Variants in INTS8 observed in about 807,000 individuals in gnomAD.
INTS8 encodes the protein integrator complex subunit 8.
In INTS8, 47 loss-of-function variants were observed where a neutral mutation model predicts 138.9. The ratio of observed to expected loss-of-function variants is 0.34; its 90% CI spans 0.27 to 0.43. The LOEUF (loss-of-function observed/expected upper bound fraction) is 0.43, where lower values mean the gene tolerates loss of function less well. Among genes scored for constraint, INTS8 ranks in the 20% least tolerant of loss-of-function variants. The probability of loss-of-function intolerance (pLI) is 1.00; values close to 1 mark genes in which losing one functional copy is unlikely to be tolerated. For missense variants in INTS8, 996 were observed against 1,173.0 expected, an observed-to-expected ratio of 0.85 and a Z score of 2.20; for synonymous variants, 392 against 400.9, an observed-to-expected ratio of 0.98 and a Z score of 0.27.
At chr8:94,875,951 G>A (rs1816550680) in intron 23 of INTS8, 123 bp from the exon 24 acceptor site, 1 of 706,814 alleles carries the variant, frequency 1.4e-6, no homozygotes, top group African/African-American at 1.8e-5. Context: ...AAATTGGATG[G>A]AATCCATAAC....
chr8:94,835,798 C>T (rs759740233), intron 6 of INTS8, among the ~76,000 whole-genome samples: 1 of 152,134 alleles, frequency 6.6e-6, no homozygotes. Context: ...TAGGGTTTCA[C>T]TATGTTGGTC....
intron 7 of INTS8, 129 bp downstream of exon 7, chr8:94,836,760 A>G: frequency 3.5e-6 from 2 of 577,940 alleles, no homozygotes; most frequent in African/African-American, 1.9e-5. Context: ...AGAAAGTACT[A>G]AAACTGGTTT....
At chr8:94,840,938 A>G (rs1586482969) in intron 8 of INTS8, among the ~76,000 whole-genome samples, 2 of 140,652 alleles carry the variant, frequency 1.4e-5, no homozygotes, top group African/African-American at 5.3e-5. Flanking sequence ...TTTGAGATGG[A>G]GTATTGCTCT....
At chr8:94,824,014 G>T (rs1444704105) in intron 1 of INTS8, among the ~76,000 whole-genome samples, 1 of 152,132 alleles carries the variant, frequency 6.6e-6, no homozygotes, top group Non-Finnish European at 1.5e-5. Context: ...TTTTTCTTCA[G>T]TGAGGGAATT....
intron 13 of INTS8, 142 bp from the exon 14 acceptor site, chr8:94,853,663 A>G (rs1815635159): frequency 5.6e-6 from 3 of 535,502 alleles, no homozygotes; most frequent in Middle Eastern, 5.0e-4. Flanking sequence ...GTGTTATATT[A>G]TGGCTGTCAT....
In INTS8 at chr8:94,880,564, G is replaced by A; in HGVS notation, c.*330G>A. 1 of 317,056 alleles carries A rather than the reference G, an allele frequency of 3.2e-6. No homozygotes were observed. The highest frequency in any genetic ancestry group is 5.6e-6 in the Non-Finnish European group (1 of 177,712). The allele number at this position is 317,056 out of a possible 1,614,324, so 19.6% of individuals were successfully genotyped here. A position where few individuals can be genotyped will look rare whatever the true frequency, so the allele number is the denominator to read the frequency against. ...TTTAGAAATAGCTAGCCTATGTACA[G>A]CAAGTTTTCATGTCTTTTTTTAATA... On this transcript the variant is annotated 3_prime_UTR_variant, in exon 27 of 27. Transcript: ENST00000523731.
chr8:94,862,637 G>A (rs957659975), intron 16 of INTS8, among the ~76,000 whole-genome samples: 5 of 152,204 alleles, frequency 3.3e-5, no homozygotes, highest in Admixed American at 2.0e-4. Context: ...AGGATGTGTG[G>A]TGACTTTGCG....
intron 6 of INTS8, 60 bp from the exon 7 acceptor site, chr8:94,836,464 C>A: frequency 7.7e-7 from 1 of 1,302,070 alleles, no homozygotes; most frequent in Non-Finnish European, 1.1e-6. Context: ...AGTTTTGGTT[C>A]TGTCACCTCT....
intron 14 of INTS8, among the ~76,000 whole-genome samples, chr8:94,856,308 CATAAGAGA>C (rs898419417): frequency 1.3e-5 from 2 of 152,078 alleles, no homozygotes; most frequent in Non-Finnish European, 2.9e-5. Context: ...TCTTTGGAAA[CATAAGAGA>C]TGCATAGGAA....
chr8:94,879,608 A>C (rs1458643553), intron 26 of INTS8, among the ~76,000 whole-genome samples: 2 of 121,076 alleles, frequency 1.7e-5, no homozygotes, highest in African/African-American at 6.3e-5. Flanking sequence ...AAAAAACAAA[A>C]AACAAACAAA....
At chr8:94,869,579 G>C (rs541849085) in intron 20 of INTS8, among the ~76,000 whole-genome samples, 1 of 151,966 alleles carries the variant, frequency 6.6e-6, no homozygotes, top group Non-Finnish European at 1.5e-5. Context: ...TGCAACCTCC[G>C]CCTCCCGGGT....
intron 4 of INTS8, 41 bp from the exon 5 acceptor site, chr8:94,828,934 G>A (rs747407505): frequency 2.9e-6 from 4 of 1,360,162 alleles, no homozygotes; most frequent in Non-Finnish European, 4.2e-6. Flanking sequence ...AGTCTTGAGA[G>A]TAACTTTTGA....
rs377662004 is a variant in INTS8 at position 94,829,158 on chromosome 8, G to A, written c.570+132G>A. ...GGAAACTGGATGTGGTGTGGGGGGC[G>A]GGGGGCGAGGATGATTTCAGGATGA... is the stretch of plus-strand genomic sequence containing the variant. On this transcript the variant is annotated intron_variant, in intron 5 of 26. Transcript: ENST00000523731. 3.3e-4 allele frequency: 223 copies of A among 671,916 alleles called. 2 individuals carry two copies. The highest frequency in any genetic ancestry group is 3.2e-3 in the South Asian group (194 of 60,346). 41.6% of individuals were successfully genotyped at this position (671,916 alleles called of 1,614,324 possible).
At position 94,841,193 on chromosome 8, in the gene INTS8, G is replaced by C. The variant is rs541368240; in HGVS notation, c.1018-298G>C. Among the ~76,000 whole-genome samples, 7 of 152,186 alleles carry C rather than the reference G, an allele frequency of 4.6e-5. No homozygotes were observed. The South Asian group carries it at 6.2e-4, about 14-fold the overall frequency. Reference sequence around the variant, plus strand: ...CCCAAAGTGCTCAGATTACAAGCGTGAGCCACCATGCCTGGCCTAAAATTT... The same window carrying C: ...CCCAAAGTGCTCAGATTACAAGCGTCAGCCACCATGCCTGGCCTAAAATTT... On this transcript the variant is annotated intron_variant, in intron 8 of 26. Transcript: ENST00000523731.
intron 10 of INTS8, among the ~76,000 whole-genome samples, chr8:94,848,791 C>T (rs1434383997): frequency 6.6e-6 from 1 of 152,000 alleles, no homozygotes; most frequent in Admixed American, 6.6e-5. Flanking sequence ...GTGTGTGTGT[C>T]AACGTAAAAA....
chr8:94,850,351 G>C (rs576764693), intron 12 of INTS8, among the ~76,000 whole-genome samples: 2 of 152,150 alleles, frequency 1.3e-5, no homozygotes, highest in Admixed American at 1.3e-4. Context: ...GGTGGCTCAC[G>C]CCTGTAATCC....
At chr8:94,836,844 TTC>T (rs72486224) in intron 7 of INTS8, among the ~76,000 whole-genome samples, 23,851 of 152,126 alleles carry the variant, frequency 0.16, 2,017 homozygotes, top group Middle Eastern at 0.26. Flanking sequence ...TCCAGCTTTT[TTC>T]TCTCTGTTTT....
Position 94,871,909 on chromosome 8 carries a change from G to A in INTS8, c.2440G>A (p.Val814Met). 1 of 1,601,874 alleles carries A rather than the reference G, an allele frequency of 6.2e-7. No homozygotes were observed. The highest frequency in any genetic ancestry group is 1.3e-5 in the African/African-American group (1 of 74,754). The change falls in exon 21 of 27, where the codon GTG becomes ATG. Residue 814 changes from valine (V) to methionine (M), a missense_variant. By Grantham distance (21) the Val-to-Met change is conservative (BLOSUM62 1). Transcript: ENST00000523731. ...CCTCCAGTCTGTGGACTTTGAAGCT[G>A]TGGCAATCACAGTGAAAGAGCTAGT... ...PNLQSVDFEAVAITVKELVRY... is the reference protein window; with the variant it reads ...PNLQSVDFEAMAITVKELVRY...
intron 15 of INTS8, among the ~76,000 whole-genome samples, chr8:94,858,793 C>T (rs1264207006): frequency 6.6e-6 from 1 of 152,144 alleles, no homozygotes; most frequent in Non-Finnish European, 1.5e-5. Flanking sequence ...GGTGAAAGTT[C>T]CTTTAAATCA....
Sources: allele counts gnomAD v4.1 joint callset (sites outside exome capture counted in the v4.1 genomes callset), GRCh38; gene constraint gnomAD v4.1.1; transcripts MANE v1.5; gene names NCBI Gene and HGNC (gene_info 2026-07-23, HGNC 2026-07-21).